Variants in PIAS2 observed in about 807,000 individuals in gnomAD.
PIAS2 encodes the protein protein inhibitor of activated STAT 2.
A neutral mutation model predicts 69.7 loss-of-function variants in PIAS2; 19 were observed. The observed-to-expected ratio is 0.27, with a 90% CI of 0.19 to 0.40. The LOEUF is 0.40. Among genes scored for constraint, PIAS2 ranks in the 10% least tolerant of loss-of-function variants. The probability of loss-of-function intolerance (pLI) is 1.00; values close to 1 mark genes in which losing one functional copy is unlikely to be tolerated. For synonymous variants in PIAS2, 261 were observed against 263.2 expected (o/e 0.99, Z 0.08); for missense variants, 624 against 757.0 (o/e 0.82, Z 2.06).
intron 11 of PIAS2, among the ~76,000 whole-genome samples, chr18:46,825,047 T>C (rs1421648282): frequency 6.6e-6 from 1 of 151,554 alleles, no homozygotes; most frequent in African/African-American, 2.4e-5. Context: ...ATTTCGGGGC[T>C]GTAAATTAGA....
chr18:46,890,904 C>T lies in PIAS2; in HGVS notation c.175G>A (p.Glu59Lys). The T allele has an allele frequency of 6.2e-7, 1 of 1,614,164 alleles. No individual in the cohort carries two copies. Among genetic ancestry groups the T allele is most frequent in the Non-Finnish European group, 8.5e-7 (1 of 1,180,036 alleles). Residue 59 changes from glutamate to lysine, a missense_variant, in exon 2 of 14, where the codon GAA becomes AAA. Transcript: ENST00000585916. ...CSPAVQIKIRELYRRRYPRTL... is the reference protein window; with the variant it reads ...CSPAVQIKIRKLYRRRYPRTL... ...CGTGGATATCGGCGTCTATACAATT[C>T]TCGGATTTTAATCTGAACCGCAGGG...
At chr18:46,910,091 G>C (rs553405431) in intron 1 of PIAS2, among the ~76,000 whole-genome samples, 1 of 152,250 alleles carries the variant, frequency 6.6e-6, no homozygotes, top group South Asian at 2.1e-4. Context: ...GGGAGGAGGA[G>C]GTTGCGGTGA....
intron 1 of PIAS2, among the ~76,000 whole-genome samples, chr18:46,896,165 CAA>C (rs1199712335): frequency 5.0e-4 from 16 of 31,920 alleles, no homozygotes; most frequent in Middle Eastern, 0.02. Context: ...AAGAAAAAAG[CAA>C]AAAAAAAAAA....
chr18:46,856,307 T>C (rs2047825169), intron 3 of PIAS2, among the ~76,000 whole-genome samples: 2 of 152,006 alleles, frequency 1.3e-5, no homozygotes, highest in Non-Finnish European at 2.9e-5. Flanking sequence ...GCCAAAGACT[T>C]TTCTTTTACT....
chr18:46,878,923 CAG>C (rs1356361804), intron 2 of PIAS2, among the ~76,000 whole-genome samples: 1 of 152,192 alleles, frequency 6.6e-6, no homozygotes, highest in Admixed American at 6.5e-5. Flanking sequence ...CCAAGGTTAA[CAG>C]GGGCTCATAC....
At position 46,806,691 on chromosome 18, in the gene PIAS2, C is replaced by G. The variant is rs2040704839; in HGVS notation, c.*5742G>C. 6.6e-6 allele frequency: 1 copy of G among 152,098 alleles called. No homozygotes were observed. The allele number at this position is 152,098 out of a possible 1,614,324, so 9.4% of individuals were successfully genotyped here. On this transcript the variant is annotated 3_prime_UTR_variant, in exon 14 of 14. Coordinates refer to ENST00000585916, the MANE Select transcript of PIAS2 (RefSeq NM_004671.5). ...TGATTTTTGGAACCTTGATTATAAG[C>G]TGCCTGATGTCTGGAACCAAAACTT...
At chr18:46,912,363 C>T (rs1159811922) in intron 1 of PIAS2, among the ~76,000 whole-genome samples, 2 of 152,174 alleles carry the variant, frequency 1.3e-5, no homozygotes, top group East Asian at 1.9e-4. Flanking sequence ...ATGGCAAATG[C>T]TATGAAATGG....
At position 46,891,205 on chromosome 18, in the gene PIAS2, C is replaced by CATTCATTACGGG. The variant is rs1168861858; in HGVS notation, c.25-152_25-151insCCCGTAATGAAT. ...TTCACATACCACTTAGAATCATTACCATTCATAAGACAATCCCGTAAAAAT... is the reference window on the plus strand; with the variant it reads ...TTCACATACCACTTAGAATCATTACCATTCATTACGGGATTCATAAGACAATCCCGTAAAAAT... On this transcript the variant is annotated intron_variant, in intron 1 of 13. Transcript: ENST00000585916. The CATTCATTACGGG allele has an allele frequency of 4.3e-6, 3 of 692,318 alleles. No individual in the cohort carries two copies. The African/African-American group carries it at 5.3e-5, about 12-fold the overall frequency. The allele number at this position is 692,318 out of a possible 1,614,324, so 42.9% of individuals were successfully genotyped here. A position where few individuals can be genotyped will look rare whatever the true frequency, so the allele number is the denominator to read the frequency against.
chr18:46,818,539 A>G, intron 12 of PIAS2: 1 of 1,087,812 alleles, frequency 9.2e-7, no homozygotes. Context: ...TTGGTGTTCT[A>G]TTTAATATTT....
At chr18:46,836,278 C>T (rs537734393) in intron 9 of PIAS2, 79 bp downstream of exon 9, 18 of 1,046,412 alleles carry the variant, frequency 1.7e-5, no homozygotes, top group Non-Finnish European at 2.6e-5. Flanking sequence ...GAATTTAGTT[C>T]AGTAAGTTGT....
At position 46,809,318 on chromosome 18, in the gene PIAS2, C is replaced by G. The variant is rs1347294669; in HGVS notation, c.*3115G>C. The G allele has an allele frequency of 6.6e-6, 1 of 152,188 alleles. No individual in the cohort carries two copies. The highest frequency in any genetic ancestry group is 1.5e-5 in the Non-Finnish European group (1 of 68,060). 9.4% of individuals were successfully genotyped at this position (152,188 alleles called of 1,614,324 possible). A position where few individuals can be genotyped will look rare whatever the true frequency, so the allele number is the denominator to read the frequency against. ...TTTTTATAACTTCAGGCCAGAAAAT[C>G]CTCAAGTGGCTCACCTAATTGTCAG... On this transcript the variant is annotated 3_prime_UTR_variant, in exon 14 of 14. Transcript: ENST00000585916.
At chr18:46,820,669 G>C (rs763587523) in intron 12 of PIAS2, among the ~76,000 whole-genome samples, 3 of 152,062 alleles carry the variant, frequency 2.0e-5, no homozygotes, top group Non-Finnish European at 4.4e-5. Flanking sequence ...AAGTCTCTAA[G>C]TACAAATTCT....
chr18:46,859,712 T>C (rs577650549), intron 3 of PIAS2, among the ~76,000 whole-genome samples: 2 of 152,276 alleles, frequency 1.3e-5, no homozygotes, highest in African/African-American at 2.4e-5. Flanking sequence ...ATAAGCAGGT[T>C]TGATGGAAGG....
rs149436863 is a variant in PIAS2 at position 46,848,723 on chromosome 18, C to G, written c.727-1882G>C. Among the ~76,000 whole-genome samples, 335 of 151,414 alleles carry G rather than the reference C, an allele frequency of 2.2e-3. 2 individuals carry two copies. The highest frequency in any genetic ancestry group is 4.7e-4 in the Non-Finnish European group (32 of 67,910). ...GGGGAATAAAAGACAAAGAGAAGAA[C>G]TTCAATAACTTGCATTATAATATGG... On this transcript the variant is annotated intron_variant, in intron 5 of 13. Transcript: ENST00000585916.
intron 2 of PIAS2, among the ~76,000 whole-genome samples, chr18:46,882,388 G>C (rs1241372731): frequency 1.3e-5 from 2 of 152,060 alleles, no homozygotes; most frequent in Non-Finnish European, 2.9e-5. Flanking sequence ...TGAGTGTATA[G>C]GGAAAACAGT....
intron 2 of PIAS2, among the ~76,000 whole-genome samples, chr18:46,884,554 G>A (rs932331887): frequency 2.0e-5 from 3 of 151,496 alleles, no homozygotes; most frequent in African/African-American, 4.8e-5. Flanking sequence ...CTCGTGATCC[G>A]CCCACCTCGG....
At chr18:46,905,896 T>C (rs76560693) in intron 1 of PIAS2, 12 of 152,264 alleles carry the variant, frequency 7.9e-5, no homozygotes, top group Non-Finnish European at 1.8e-4. Flanking sequence ...AGAAAAGGTA[T>C]ATTTTTTAAC....
intron 2 of PIAS2, among the ~76,000 whole-genome samples, chr18:46,880,605 A>G (rs1161876890): frequency 2.0e-5 from 3 of 152,246 alleles, no homozygotes; most frequent in Non-Finnish European, 4.4e-5. Flanking sequence ...TAAAAAAGTA[A>G]AAAATAATTT....
intron 1 of PIAS2, among the ~76,000 whole-genome samples, chr18:46,893,999 A>C (rs1475112000): frequency 1.3e-5 from 2 of 151,978 alleles, no homozygotes; most frequent in Admixed American, 6.6e-5. Context: ...GGTGGTACAC[A>C]CCTGTAGTCC....
Sources: allele counts gnomAD v4.1 joint callset (sites outside exome capture counted in the v4.1 genomes callset), GRCh38; gene constraint gnomAD v4.1.1; transcripts MANE v1.5; gene names NCBI Gene and HGNC (gene_info 2026-07-23, HGNC 2026-07-21).